Variants in WSCD2 observed in about 807,000 individuals in gnomAD.
WSCD2 encodes the protein WSC domain sialate O sulfotransferase 2.
Under a neutral mutation model 55.7 loss-of-function variants are expected in WSCD2, and 28 were observed. The ratio of observed to expected loss-of-function variants is 0.50; its 90% confidence interval spans 0.37 to 0.69. WSCD2 has a LOEUF of 0.69. WSCD2 is among the 30% of genes least tolerant of loss of function. WSCD2 has a pLI of 0.00. For missense variants in WSCD2, 616 were observed against 762.1 expected, an observed-to-expected ratio of 0.81 and a Z score of 2.26; for synonymous variants, 301 against 301.9, an observed-to-expected ratio of 1.00 and a Z score of 0.03.
At chr12:108,204,918 T>C (rs1885139594) in intron 2 of WSCD2, among the ~76,000 whole-genome samples, 1 of 152,238 alleles carries the variant, frequency 6.6e-6, no homozygotes, top group Non-Finnish European at 1.5e-5. Flanking sequence ...AAAGAAGTGA[T>C]TAAGTGGCAT....
chr12:108,139,140 G>C (rs981088413), intron 1 of WSCD2, among the ~76,000 whole-genome samples: 6 of 152,244 alleles, frequency 3.9e-5, no homozygotes, highest in Non-Finnish European at 8.8e-5. Flanking sequence ...ACTGAGAAGA[G>C]CAGCCTCAGC....
In WSCD2 at chr12:108,212,396, C is replaced by T. The variant is rs186665513; in HGVS notation, c.682+2091C>T. On this transcript the variant is annotated intron_variant, in intron 4 of 8. Transcript: ENST00000547525. ...GCTGAGACAGATAACAAGAATTGGA[C>T]TGTGTATGTCATTAGCCAGACACTA... is the stretch of plus-strand genomic sequence containing the variant. Among the ~76,000 whole-genome samples, 163 of 152,270 alleles carry T rather than the reference C, an allele frequency of 1.1e-3. 1 individual carries two copies. The highest frequency in any genetic ancestry group is 3.5e-3 in the African/African-American group (147 of 41,558).
intron 1 of WSCD2, among the ~76,000 whole-genome samples, chr12:108,170,911 T>G (rs535406527): frequency 3.9e-5 from 6 of 152,314 alleles, no homozygotes; most frequent in African/African-American, 1.4e-4. Context: ...GCAGGGCTAG[T>G]TCTGATCCAC....
intron 8 of WSCD2, among the ~76,000 whole-genome samples, chr12:108,246,592 C>T (rs1890101270): frequency 6.6e-6 from 1 of 152,196 alleles, no homozygotes; most frequent in Non-Finnish European, 1.5e-5. Flanking sequence ...CTGCCTCTCC[C>T]CATGGAATCC....
chr12:108,205,162 G>A lies in WSCD2; in HGVS notation c.383-1127G>A, dbSNP rs576733950. ...TCAATGTTCTCCACTTCACATGGGG[G>A]CATTACAAAGATCCCCCAACTCAAA... On this transcript the variant is annotated intron_variant, in intron 2 of 8. Transcript: ENST00000547525. Among the ~76,000 whole-genome samples, 8 of 152,228 alleles carry A rather than the reference G, an allele frequency of 5.3e-5. No homozygotes were observed. The South Asian group carries it at 1.7e-3, about 32-fold the overall frequency.
intron 6 of WSCD2, among the ~76,000 whole-genome samples, chr12:108,229,535 G>A (rs1484112223): frequency 6.6e-6 from 1 of 152,196 alleles, no homozygotes; most frequent in Non-Finnish European, 1.5e-5. Context: ...ATTGTGTAAG[G>A]TTTATTAGCC....
intron 1 of WSCD2, among the ~76,000 whole-genome samples, chr12:108,162,430 C>T (rs1294905982): frequency 6.6e-6 from 1 of 152,192 alleles, no homozygotes; most frequent in African/African-American, 2.4e-5. Context: ...ATGCAAGCAA[C>T]ACCCTCAGTC....
rs1890304565 is a variant in WSCD2, at chr12:108,249,386, G to A, written c.*1043G>A. The stretch of plus-strand genomic sequence containing the variant: ...TCCAACAGGGCCAGCTTCCCTTGGG[G>A]GCCCTTTAAGGAATGGGGTGAATGA... On this transcript the variant is annotated 3_prime_UTR_variant, in exon 9 of 9. Transcript: ENST00000547525. 2 of 152,390 alleles carry A rather than the reference G, an allele frequency of 1.3e-5. No individual in the cohort carries two copies. The highest frequency in any genetic ancestry group is 2.9e-5 in the Non-Finnish European group (2 of 68,036). 9.4% of individuals were successfully genotyped at this position (152,390 alleles called of 1,614,324 possible).
At chr12:108,184,486 T>C (rs1053402193) in intron 1 of WSCD2, among the ~76,000 whole-genome samples, 1 of 152,162 alleles carries the variant, frequency 6.6e-6, no homozygotes, top group Non-Finnish European at 1.5e-5. Flanking sequence ...GTGGTCAGTG[T>C]GGAACCAGCA....
chr12:108,184,489 A>G (rs1882205797), intron 1 of WSCD2, among the ~76,000 whole-genome samples: 1 of 152,190 alleles, frequency 6.6e-6, no homozygotes, highest in Non-Finnish European at 1.5e-5. Flanking sequence ...GTCAGTGTGG[A>G]ACCAGCAAAT....
intron 2 of WSCD2, among the ~76,000 whole-genome samples, chr12:108,201,710 G>A (rs1053617632): frequency 2.6e-5 from 4 of 152,120 alleles, no homozygotes; most frequent in Admixed American, 2.0e-4. Flanking sequence ...CCTCCTATTC[G>A]TGAATCTGTT....
In WSCD2 at chr12:108,190,906, T is replaced by G. The variant is rs932372730; in HGVS notation, c.-551-4376T>G. Reference sequence around the variant, plus strand: ...AAGTCGTGATAGCCAGCCCTGTGGATTGTCTCATCGAATCCTCCCCACACC... The same window carrying G: ...AAGTCGTGATAGCCAGCCCTGTGGAGTGTCTCATCGAATCCTCCCCACACC... On this transcript the variant is annotated intron_variant, in intron 1 of 8. Coordinates refer to ENST00000547525, the MANE Select transcript of WSCD2 (RefSeq NM_014653.4). Among the ~76,000 whole-genome samples, 2 of 152,146 alleles carry G rather than the reference T, an allele frequency of 1.3e-5. 1 individual carries two copies. Among genetic ancestry groups the G allele is most frequent in the Middle Eastern group, 6.3e-3 (2 of 316 alleles).
intron 1 of WSCD2, among the ~76,000 whole-genome samples, chr12:108,192,148 A>G (rs1883249403): frequency 6.6e-6 from 1 of 152,234 alleles, no homozygotes; most frequent in Non-Finnish European, 1.5e-5. Flanking sequence ...AATGGCTTTC[A>G]AGTGTCTCAC....
chr12:108,193,267 T>C lies in WSCD2; in HGVS notation c.-551-2015T>C, dbSNP rs1883416433. Among the ~76,000 whole-genome samples the C allele has an allele frequency of 3.3e-5, 5 of 152,376 alleles. No homozygotes were observed. The South Asian group carries it at 1.0e-3, about 32-fold the overall frequency. On this transcript the variant is annotated intron_variant, in intron 1 of 8. Transcript: ENST00000547525. ...CTGTATCCTGTACACACATCTACTA[T>C]GGGATTTATCATAGTCTGTCTAGCA...
chr12:108,164,139 C>CTTTT (rs1555224800), intron 1 of WSCD2, among the ~76,000 whole-genome samples: 3 of 85,310 alleles, frequency 3.5e-5, no homozygotes, highest in Admixed American at 3.1e-4. Context: ...ATCTTAAATC[C>CTTTT]TTTTTTTTTT....
intron 2 of WSCD2, among the ~76,000 whole-genome samples, chr12:108,202,843 G>C (rs1384685261): frequency 6.6e-6 from 1 of 152,208 alleles, no homozygotes; most frequent in Non-Finnish European, 1.5e-5. Context: ...CATGTACCCT[G>C]CACTTAAAAT....
intron 6 of WSCD2, among the ~76,000 whole-genome samples, chr12:108,227,680 A>G (rs191090155): frequency 6.6e-6 from 1 of 152,056 alleles, no homozygotes; most frequent in East Asian, 1.9e-4. Flanking sequence ...ACTTACTGTT[A>G]TCTCCTCTTC....
chr12:108,219,072 C>G (rs1413920403), intron 4 of WSCD2, among the ~76,000 whole-genome samples: 1 of 152,192 alleles, frequency 6.6e-6, no homozygotes, highest in African/African-American at 2.4e-5. Flanking sequence ...CTGGCTGAAG[C>G]CCAGCCTCAT....
Position 108,224,719 on chromosome 12 carries a change from T to C in WSCD2, c.683-20T>C. 6.2e-7 allele frequency: 1 copy of C among 1,609,320 alleles called. No individual in the cohort carries two copies. The highest frequency in any genetic ancestry group is 1.7e-5 in the Admixed American group (1 of 59,750). ...GACTCCTTGTATATCTGACTAGTCC[T>C]CTTCTCTCTGGCTCTTCAGATGGAA... On this transcript the variant is annotated intron_variant, in intron 4 of 8. Coordinates refer to ENST00000547525, the MANE Select transcript of WSCD2 (RefSeq NM_014653.4).
Sources: gnomAD v4.1 joint callset for allele counts (sites outside exome capture counted in the v4.1 genomes callset) on GRCh38, gnomAD v4.1.1 for gene constraint, MANE v1.5 for transcripts, NCBI Gene and HGNC (gene_info 2026-07-23, HGNC 2026-07-21) for gene names.